Variants in TNXB observed in about 807,000 individuals in gnomAD.
The protein encoded by TNXB is tenascin XB.
A neutral mutation model predicts 340.5 loss-of-function variants in TNXB; 183 were observed. The observed-to-expected ratio is 0.54, with a 90% confidence interval of 0.48 to 0.61. The LOEUF (loss-of-function observed/expected upper bound fraction) is 0.61. Ranked by LOEUF, TNXB falls within the 20% of genes least tolerant of loss-of-function variation. The probability of loss-of-function intolerance (pLI) is 0.00; values close to 1 mark genes in which losing one functional copy is unlikely to be tolerated. For synonymous variants in TNXB, 2,121 were observed against 2,314.5 expected, an observed-to-expected ratio of 0.92 and a Z score of 2.40; for missense variants, 4,613 against 5,446.4, an observed-to-expected ratio of 0.85 and a Z score of 4.82.
chr6:32,054,866 G>A lies in TNXB; in HGVS notation c.8467+985C>T, dbSNP rs139933362. 9.2e-5 allele frequency among the ~76,000 whole-genome samples: 14 copies of A among 152,328 alleles called. No individual in the cohort carries two copies. In the South Asian group the frequency reaches 1.9e-3, roughly 20 times the overall value. On this transcript the variant is annotated intron_variant, in intron 24 of 43. Transcript: ENST00000644971. ...TGGCCTGGCACAGTCTGGTCTTGGC[G>A]TGGTCCAGTTGAACAGACAATTTCA...
intron 11 of TNXB, chr6:32,078,429 CAG>C (rs1779235342): frequency 1.8e-5 from 2 of 112,114 alleles, no homozygotes; most frequent in Admixed American, 1.3e-4. Flanking sequence ...GGCTGGGCAA[CAG>C]AGTGAGACTC....
chr6:32,095,543 G>T, intron 3 of TNXB, 68 bp downstream of exon 3: 1 of 1,549,046 alleles, frequency 6.5e-7, no homozygotes, highest in Non-Finnish European at 8.8e-7. Flanking sequence ...TCAGGCTCAG[G>T]TCTTCCCCAT....
rs1778836246 is a variant in TNXB at position 32,072,484 on chromosome 6, G to A, written c.4682-186C>T. 6.6e-6 allele frequency among the ~76,000 whole-genome samples: 1 copy of A among 152,140 alleles called. No individual in the cohort carries two copies. Among genetic ancestry groups the A allele is most frequent in the South Asian group, 2.1e-4 (1 of 4,826 alleles). ...GAAAACCCACCAGAGTAGAATTATT[G>A]TGACTTTGTTACCAATAGAAACCAC... On this transcript the variant is annotated intron_variant, in intron 12 of 43. Coordinates refer to ENST00000644971, the MANE Select transcript of TNXB (RefSeq NM_001365276.2). The surrounding 1 kb of genome is among the most constrained non-coding windows in gnomAD (Gnocchi z 4.4).
In TNXB at chr6:32,053,416, C is replaced by T; in HGVS notation, c.8763G>A (p.Val2921=). Residue 2921 remains valine, a synonymous_variant, in exon 25 of 44, where the codon GTG becomes GTA. Coordinates refer to ENST00000644971, the MANE Select transcript of TNXB (RefSeq NM_001365276.2). ...TCACCCCAATGACAGAGATGGGGCCCACGCGCTGGCCACCGTGGAAGCCGT... is the reference window on the plus strand; with the variant it reads ...TCACCCCAATGACAGAGATGGGGCCTACGCGCTGGCCACCGTGGAAGCCGT... ...NLYGFHGGQR[V]GPISVIGVTA... 1 of 1,612,886 alleles carries T rather than the reference C, an allele frequency of 6.2e-7. No individual in the cohort carries two copies. Among genetic ancestry groups the T allele is most frequent in the Non-Finnish European group, 8.5e-7 (1 of 1,179,856 alleles).
rs1045456660 is a variant in TNXB, at chr6:32,050,177, A to G, written c.9260T>C (p.Phe3087Ser). The change falls in exon 27 of 44, where the codon TTT becomes TCT. Residue 3087 changes from phenylalanine (F) to serine (S), a missense_variant. Physicochemically the swap from Phe to Ser is radical, Grantham distance 155 (BLOSUM62 -2). Coordinates refer to ENST00000644971, the MANE Select transcript of TNXB (RefSeq NM_001365276.2). ...CCTGTACTGGACCAGGAAGTGGTCA[A>G]ACTGGCCCTCGGGAACCATCCAGGA... The part of the protein sequence containing the change: ...SLSWMVPEGQ[F>S]DHFLVQYRNG... The G allele has an allele frequency of 2.5e-6, 4 of 1,613,728 alleles. No individual in the cohort carries two copies. The highest frequency in any genetic ancestry group is 1.3e-5 in the African/African-American group (1 of 74,924).
At chr6:32,106,227 G>T (rs1780973264) in intron 1 of TNXB, among the ~76,000 whole-genome samples, 1 of 151,992 alleles carries the variant, frequency 6.6e-6, no homozygotes, top group Non-Finnish European at 1.5e-5. Flanking sequence ...ACTGAGGCAG[G>T]GATTGGGGAG....
chr6:32,057,004 C>A, intron 22 of TNXB, 101 bp from the exon 23 acceptor site: 3 of 1,437,784 alleles, frequency 2.1e-6, no homozygotes, highest in Non-Finnish European at 2.9e-6. Context: ...AAGAGCAGGA[C>A]GATGCTGCCC....
rs761528068 is a variant in TNXB at position 32,096,409 on chromosome 6, T to G, written c.1444A>C (p.Met482Leu). The change falls in exon 3 of 44, where the codon ATG becomes CTG. Residue 482 changes from methionine (M) to leucine (L), a missense_variant. By Grantham distance (15) the Met-to-Leu change is conservative (BLOSUM62 2). Transcript: ENST00000644971. ...CGGCCTGTGTACCCCGGCCAACACA[T>G]GCAGCGGCCACTCTCACAGCGGCCC... is the stretch of plus-strand genomic sequence containing the variant. ...GRGRCESGRCMCWPGYTGRDC... is the reference protein window; with the variant it reads ...GRGRCESGRCLCWPGYTGRDC... 4 of 1,559,022 alleles carry G rather than the reference T, an allele frequency of 2.6e-6. No homozygotes were observed. Among genetic ancestry groups the G allele is most frequent in the Non-Finnish European group, 3.4e-6 (4 of 1,161,788 alleles).
At chr6:32,050,552 G>C (rs955762644) in intron 26 of TNXB, among the ~76,000 whole-genome samples, 1 of 137,018 alleles carries the variant, frequency 7.3e-6, no homozygotes, top group African/African-American at 2.8e-5. Flanking sequence ...ACCTCTCCCT[G>C]TCCCTCCAGC....
At position 32,098,167 on chromosome 6, in the gene TNXB, C is replaced by A; in HGVS notation, c.32G>T (p.Ser11Ile). The A allele has an allele frequency of 6.4e-7, 1 of 1,560,858 alleles. No individual in the cohort carries two copies. Among genetic ancestry groups the A allele is most frequent in the Non-Finnish European group, 8.7e-7 (1 of 1,148,884 alleles). The change falls in exon 2 of 44, where the codon AGC (serine) becomes ATC (isoleucine). Residue 11 changes from serine to isoleucine, a missense_variant. This residue lies in a region of TNXB where 4,327 missense variants were observed against 4,859.4 expected (regional missense o/e 0.89). Transcript: ENST00000644971. ...GCTCAGCAGCACCAGGAGAACCAGG[C>A]TGGAGGTTAGAGCATACTGGGCTGG... MMPAQYALTSSLVLLVLLSTA... is the reference protein window; with the variant it reads MMPAQYALTSILVLLVLLSTA...
In TNXB at chr6:32,052,383, G is replaced by A. The variant is rs1334767687; in HGVS notation, c.9115+287C>T. On this transcript the variant is annotated intron_variant, in intron 26 of 43. Transcript: ENST00000644971. The surrounding 1 kb of genome is among the most constrained non-coding windows in gnomAD (Gnocchi z 4.7). The stretch of plus-strand genomic sequence containing the variant: ...GGAGAATCACTTGAACCCAGGAGGC[G>A]GAGGTTCCAGTGAGCCGAGATTGAG... 6.6e-6 allele frequency among the ~76,000 whole-genome samples: 1 copy of A among 151,788 alleles called. No individual in the cohort carries two copies. Among genetic ancestry groups the A allele is most frequent in the Non-Finnish European group, 1.5e-5 (1 of 67,948 alleles).
In TNXB at chr6:32,070,203, G is replaced by C. The variant is rs1426050918; in HGVS notation, c.5202C>G (p.Gly1734=). ...RSVTVTPLDA[G]RKYRFLLYGL... ...CATAGAGGAGGAATCTGTACTTGCG[G>C]CCGGCATCCAGAGGGGTGACAGTGA... The change falls in exon 14 of 44, where the codon GGC becomes GGG. Residue 1734 remains glycine (G), a synonymous_variant. Coordinates refer to ENST00000644971, the MANE Select transcript of TNXB (RefSeq NM_001365276.2). The surrounding 1 kb of genome is among the most constrained non-coding windows in gnomAD (Gnocchi z 6.0). 6.2e-7 allele frequency: 1 copy of C among 1,612,280 alleles called. No homozygotes were observed. Among genetic ancestry groups the C allele is most frequent in the East Asian group, 2.2e-5 (1 of 44,844 alleles).
chr6:32,078,146 A>C (rs1460769690), intron 11 of TNXB, among the ~76,000 whole-genome samples: 5 of 151,262 alleles, frequency 3.3e-5, no homozygotes, highest in African/African-American at 1.2e-4. Flanking sequence ...AGAGAGAAAG[A>C]AGAAAGAGAA....
At chr6:32,071,182 G>A (rs1470865669) in intron 13 of TNXB, among the ~76,000 whole-genome samples, 2 of 152,194 alleles carry the variant, frequency 1.3e-5, no homozygotes, top group Non-Finnish European at 2.9e-5. Flanking sequence ...CTGAACCCTC[G>A]GAAAGGGGCA....
chr6:32,081,486 C>T lies in TNXB; in HGVS notation c.3924G>A (p.Ala1308=), dbSNP rs745464565. The T allele has an allele frequency of 1.9e-5, 31 of 1,604,888 alleles. No individual in the cohort carries two copies. Among genetic ancestry groups the T allele is most frequent in the South Asian group, 1.3e-4 (12 of 89,198 alleles). Residue 1308 remains alanine, a synonymous_variant, in exon 10 of 44, where the codon GCG becomes GCA. Transcript: ENST00000644971. The surrounding 1 kb of genome is among the most constrained non-coding windows in gnomAD (Gnocchi z 5.1). ...GGACAGTAACCTCATTCTCATCCCCCGCAACAGGCACTGCCTGGGGCTGCC... is the reference window on the plus strand; with the variant it reads ...GGACAGTAACCTCATTCTCATCCCCTGCAACAGGCACTGCCTGGGGCTGCC... ...AQGQPQAVPV[A]GDENEVTVPG...
In TNXB at chr6:32,069,171, G is replaced by C; in HGVS notation, c.5588-35C>G. ...AGAGACAGGTAGAGACAGATGGCTG[G>C]TGTGTCGCTGCACCCAGACTCTCAG... On this transcript the variant is annotated intron_variant, in intron 15 of 43. Transcript: ENST00000644971. The surrounding 1 kb of genome is among the most constrained non-coding windows in gnomAD (Gnocchi z 6.2). 1.3e-6 allele frequency: 2 copies of C among 1,567,056 alleles called. No individual in the cohort carries two copies. Among genetic ancestry groups the C allele is most frequent in the Non-Finnish European group, 1.7e-6 (2 of 1,158,572 alleles).
chr6:32,067,773 C>T lies in TNXB; in HGVS notation c.6432G>A (p.Glu2144=), dbSNP rs754682762. 27 of 1,613,566 alleles carry T rather than the reference C, an allele frequency of 1.7e-5. No homozygotes were observed. The highest frequency in any genetic ancestry group is 2.2e-5 in the South Asian group (2 of 91,080). Residue 2144 remains glutamate (E), a synonymous_variant, in exon 18 of 44, where the codon GAG becomes GAA. Transcript: ENST00000644971. This position sits in a 1 kb window ranked among gnomAD's most constrained non-coding sequence, Gnocchi z 4.2. ...GRPQVVRVGG[E]ESEVTVGGLE... is the part of the protein sequence containing the mutation. ...GGCCCCCCACGGTGACTTCACTCTCCTCGCCCCCAACACGCACCACCTGGG... is the reference window on the plus strand; with the variant it reads ...GGCCCCCCACGGTGACTTCACTCTCTTCGCCCCCAACACGCACCACCTGGG...
At position 32,055,074 on chromosome 6, in the gene TNXB, G is replaced by C. The variant is rs539634228; in HGVS notation, c.8467+777C>G. Among the ~76,000 whole-genome samples the C allele has an allele frequency of 2.0e-4, 30 of 152,288 alleles. No homozygotes were observed. The South Asian group carries it at 2.9e-3, about 15-fold the overall frequency. On this transcript the variant is annotated intron_variant, in intron 24 of 43. Coordinates refer to ENST00000644971, the MANE Select transcript of TNXB (RefSeq NM_001365276.2). ...TGCTTCTTTACCAATGGCAGCTTTG[G>C]CCTTGCTCTAGTTGACCTCCCCAAA...
chr6:32,074,411 T>C lies in TNXB; in HGVS notation c.4376-459A>G, dbSNP rs1319315816. ...ATCTGTCTGGTCAACAGTCCTTCAC[T>C]AGGTCCCTGCTCGGTGTCTGAGGCT... On this transcript the variant is annotated intron_variant, in intron 11 of 43. Coordinates refer to ENST00000644971, the MANE Select transcript of TNXB (RefSeq NM_001365276.2). This position sits in a 1 kb window ranked among gnomAD's most constrained non-coding sequence, Gnocchi z 5.5. Among the ~76,000 whole-genome samples, 3 of 152,214 alleles carry C rather than the reference T, an allele frequency of 2.0e-5. No homozygotes were observed. Among genetic ancestry groups the C allele is most frequent in the African/African-American group, 7.2e-5 (3 of 41,442 alleles).
Sources: gnomAD v4.1 joint callset for allele counts (sites outside exome capture counted in the v4.1 genomes callset) on GRCh38, gnomAD v4.1.1 for gene constraint, gnomAD v4.1.1 regional missense constraint, Gnocchi (gnomAD v3.1) non-coding constraint, MANE v1.5 for transcripts, NCBI Gene and HGNC (gene_info 2026-07-23, HGNC 2026-07-21) for gene names.